Variants in CAST observed in about 807,000 individuals in gnomAD.
The protein encoded by CAST is MIR583 host.
A neutral mutation model predicts 119.6 loss-of-function variants in CAST; 76 were observed. That is an observed-to-expected ratio of 0.64 (90% CI 0.53 to 0.77). The LOEUF is 0.77. Ranked by LOEUF, CAST falls within the 30% of genes least tolerant of loss-of-function variation. The pLI, the probability that CAST is intolerant of heterozygous loss-of-function variation, is 0.00. For synonymous variants in CAST, 319 were observed against 331.6 expected (o/e 0.96, Z 0.41); for missense variants, 953 against 946.5 (o/e 1.01, Z -0.09).
At position 96,752,447 on chromosome 5, in the gene CAST, T is replaced by G. The variant is rs534058171; in HGVS notation, c.1525-1613T>G. Among the ~76,000 whole-genome samples, 549 of 152,226 alleles carry G rather than the reference T, an allele frequency of 3.6e-3. 2 individuals are homozygous for G. Among genetic ancestry groups the G allele is most frequent in the African/African-American group, 0.013 (523 of 41,536 alleles). ...CAACTCACATTGCTTGCATAAGACT[T>G]GGGTACCAGTGCAACTCTTGATATC... is the stretch of plus-strand genomic sequence containing the variant. On this transcript the variant is annotated intron_variant, in intron 20 of 31. Coordinates refer to ENST00000675179, the MANE Select transcript of CAST (RefSeq NM_001750.7).
chr5:96,681,732 C>CAAA (rs70981836), intron 2 of CAST, among the ~76,000 whole-genome samples: 43 of 89,390 alleles, frequency 4.8e-4, no homozygotes, highest in African/African-American at 1.4e-3. Context: ...GACTCCGTCT[C>CAAA]AAAAAAAAAA....
intron 1 of CAST, among the ~76,000 whole-genome samples, chr5:96,533,906 T>C (rs569821943): frequency 6.6e-6 from 1 of 152,340 alleles, no homozygotes; most frequent in African/African-American, 2.4e-5. Context: ...TTTTAATTGA[T>C]TGGACAATTG....
the CAST span, among the ~76,000 whole-genome samples, chr5:96,230,263 T>A: frequency 6.6e-6 from 1 of 152,146 alleles, no homozygotes; most frequent in African/African-American, 2.4e-5. Flanking sequence ...AGGCACAAAG[T>A]CTTCCTTTGA....
At chr5:96,347,456 G>T in the CAST span, among the ~76,000 whole-genome samples, 1 of 152,130 alleles carries the variant, frequency 6.6e-6, no homozygotes, top group African/African-American at 2.4e-5. Flanking sequence ...GTTCAAAGCT[G>T]GGACCTCTGT....
chr5:96,145,763 T>C, the CAST span, among the ~76,000 whole-genome samples: 3 of 152,236 alleles, frequency 2.0e-5, no homozygotes, highest in Non-Finnish European at 4.4e-5. Context: ...ATAGCCATTT[T>C]ATTATATCTC....
chr5:96,610,585 A>C lies in CAST; in HGVS notation c.61-64954A>C, dbSNP rs118094296. 3.4e-3 allele frequency among the ~76,000 whole-genome samples: 525 copies of C among 152,336 alleles called. 15 individuals carry two copies. The East Asian group carries it at 0.071, about 21-fold the overall frequency. On this transcript the variant is annotated intron_variant, in intron 1 of 11. Coordinates refer to the CAST transcript ENST00000505143. ...TCATACTGAATGGACCAAAGTTGAA[A>C]ACATTTCCCTCAAGAGCTGGAACAA...
chr5:96,210,053 C>G, the CAST span: 1 of 150,456 alleles, frequency 6.6e-6, no homozygotes, highest in Non-Finnish European at 1.5e-5. Flanking sequence ...TTATATTTGT[C>G]TGACTGAGTC....
At chr5:96,071,057 G>T in the CAST span, among the ~76,000 whole-genome samples, 1 of 152,094 alleles carries the variant, frequency 6.6e-6, no homozygotes, top group African/African-American at 2.4e-5. Context: ...CAGGCAGGAG[G>T]TCATTGGTGG....
chr5:96,532,121 A>G (rs1745699932), intron 1 of CAST, among the ~76,000 whole-genome samples: 1 of 152,104 alleles, frequency 6.6e-6, no homozygotes, highest in African/African-American at 2.4e-5. Context: ...TAGACTGAAA[A>G]CCAAAGGATA....
At chr5:96,228,279 T>C in the CAST span, among the ~76,000 whole-genome samples, 1 of 152,214 alleles carries the variant, frequency 6.6e-6, no homozygotes, top group Non-Finnish European at 1.5e-5. Flanking sequence ...CTTTATTTCA[T>C]AGGTCACTTG....
chr5:96,206,273 A>G, the CAST span, among the ~76,000 whole-genome samples: 1 of 151,986 alleles, frequency 6.6e-6, no homozygotes, highest in Non-Finnish European at 1.5e-5. Context: ...CTCTGTTGAT[A>G]GTGTCTTTTG....
chr5:96,706,171 A>G (rs1237113020), intron 3 of CAST, among the ~76,000 whole-genome samples: 4 of 152,244 alleles, frequency 2.6e-5, no homozygotes, highest in Admixed American at 6.5e-5. Context: ...CTGGTTAGGT[A>G]GAAATGATAA....
At chr5:95,963,602 T>TA in the CAST span, among the ~76,000 whole-genome samples, 1 of 152,116 alleles carries the variant, frequency 6.6e-6, no homozygotes, top group African/African-American at 2.4e-5. Context: ...AGAAGGGAAA[T>TA]AGAGGCTTTA....
chr5:96,610,967 C>T (rs1430186062), intron 1 of CAST, among the ~76,000 whole-genome samples: 2 of 151,940 alleles, frequency 1.3e-5, no homozygotes, highest in African/African-American at 2.4e-5. Flanking sequence ...TGCGTCTAAC[C>T]GTGGAGGGGA....
chr5:96,573,537 G>T (rs1746609595), intron 1 of CAST, among the ~76,000 whole-genome samples: 1 of 152,086 alleles, frequency 6.6e-6, no homozygotes, highest in Admixed American at 6.5e-5. Flanking sequence ...CACTTAGGAG[G>T]CTAAAGTAGA....
chr5:96,536,461 T>C lies in CAST; in HGVS notation c.60+6581T>C, dbSNP rs146890484. ...AGACATGCCTGGTGTATTTGCGACA[T>C]GGAGATCAATGATGTCTTTGACAAG... On this transcript the variant is annotated intron_variant, in intron 1 of 11. Coordinates refer to the CAST transcript ENST00000505143. Among the ~76,000 whole-genome samples the C allele has an allele frequency of 1.4e-3, 217 of 152,284 alleles. 1 individual carries two copies. The highest frequency in any genetic ancestry group is 2.3e-3 in the Admixed American group (35 of 15,292).
chr5:96,475,450 A>G, the CAST span, among the ~76,000 whole-genome samples: 2 of 152,200 alleles, frequency 1.3e-5, no homozygotes, highest in Non-Finnish European at 1.5e-5. Context: ...TCAGTCTTGC[A>G]CCAAACGATG....
At chr5:96,647,310 T>C (rs933929202) in intron 1 of CAST, among the ~76,000 whole-genome samples, 31 of 152,220 alleles carry the variant, frequency 2.0e-4, no homozygotes, top group African/African-American at 7.0e-4. Flanking sequence ...GAGGATGACT[T>C]GTTATTCAAA....
chr5:96,022,313 CA>C, the CAST span, among the ~76,000 whole-genome samples: 7 of 151,772 alleles, frequency 4.6e-5, no homozygotes, highest in African/African-American at 7.3e-5. Context: ...GTTCATATAA[CA>C]AAAAAAATCT....
Sources: gnomAD v4.1 joint callset for allele counts (sites outside exome capture counted in the v4.1 genomes callset) on GRCh38, gnomAD v4.1.1 for gene constraint, MANE v1.5 for transcripts, NCBI Gene and HGNC (gene_info 2026-07-23, HGNC 2026-07-21) for gene names.